Variants in PHACTR1 observed in about 807,000 individuals in gnomAD.
PHACTR1 encodes the protein phosphatase and actin regulator 1.
PHACTR1 carries 16 observed loss-of-function variants against 69.2 expected under a neutral mutation model. The observed-to-expected ratio is 0.23, with a 90% CI of 0.16 to 0.35. PHACTR1 has a LOEUF of 0.35. Among genes scored for constraint, PHACTR1 ranks in the 10% least tolerant of loss-of-function variants. PHACTR1 has a pLI of 1.00. For synonymous variants in PHACTR1, 312 were observed against 284.5 expected, an observed-to-expected ratio of 1.10 and a Z score of -0.97; for missense variants, 510 against 734.7, an observed-to-expected ratio of 0.69 and a Z score of 3.54.
chr6:12,952,266 T>C (rs182808903), intron 4 of PHACTR1, among the ~76,000 whole-genome samples: 21 of 152,310 alleles, frequency 1.4e-4, no homozygotes, highest in Admixed American at 4.6e-4. Context: ...TGCATTAGGG[T>C]TCACTCTTGG....
At chr6:13,170,217 A>G (rs752415405) in intron 6 of PHACTR1, among the ~76,000 whole-genome samples, 2 of 152,254 alleles carry the variant, frequency 1.3e-5, no homozygotes. Context: ...CTCATGTCTC[A>G]TAGATGAAAA....
At chr6:13,099,824 G>GAAAA (rs1285862289) in intron 5 of PHACTR1, among the ~76,000 whole-genome samples, 1 of 152,054 alleles carries the variant, frequency 6.6e-6, no homozygotes, top group Non-Finnish European at 1.5e-5. Flanking sequence ...TTTTTAAATT[G>GAAAA]AGAAACAAAC....
intron 5 of PHACTR1, among the ~76,000 whole-genome samples, chr6:13,102,598 A>G (rs1333408012): frequency 6.6e-6 from 1 of 152,188 alleles, no homozygotes; most frequent in African/African-American, 2.4e-5. Flanking sequence ...TGGCTTGGTA[A>G]CATTACAGAG....
chr6:13,168,308 G>A (rs1475959234), intron 6 of PHACTR1, among the ~76,000 whole-genome samples: 1 of 152,146 alleles, frequency 6.6e-6, no homozygotes, highest in East Asian at 1.9e-4. Flanking sequence ...GCTAGAAAGT[G>A]GTTTAAACAA....
chr6:12,885,672 A>G (rs1177804664), intron 4 of PHACTR1, among the ~76,000 whole-genome samples: 1 of 152,222 alleles, frequency 6.6e-6, no homozygotes, highest in Non-Finnish European at 1.5e-5. Flanking sequence ...ATGTCGCTTT[A>G]TTCCTAGAAA....
intron 4 of PHACTR1, among the ~76,000 whole-genome samples, chr6:12,949,377 C>T (rs966333190): frequency 3.3e-5 from 5 of 151,900 alleles, no homozygotes; most frequent in African/African-American, 1.2e-4. Flanking sequence ...CAATGAAACA[C>T]CTAGGAAAGC....
At chr6:13,003,994 T>TGTATA (rs1798476699) in intron 4 of PHACTR1, among the ~76,000 whole-genome samples, 1 of 140,428 alleles carries the variant, frequency 7.1e-6, no homozygotes, top group Non-Finnish European at 1.5e-5. Context: ...TATATATATA[T>TGTATA]CACATTTTCT....
Position 13,283,271 on chromosome 6 carries a change from G to A in PHACTR1, c.1510-151G>A, listed in dbSNP as rs931749801. 19 of 744,920 alleles carry A rather than the reference G, an allele frequency of 2.6e-5. No homozygotes were observed. Among genetic ancestry groups the A allele is most frequent in the African/African-American group, 2.3e-4 (13 of 55,696 alleles). 46.1% of individuals were successfully genotyped at this position (744,920 alleles called of 1,614,324 possible). On this transcript the variant is annotated intron_variant, in intron 12 of 14. Transcript: ENST00000332995. This position sits in a 1 kb window ranked among gnomAD's most constrained non-coding sequence, Gnocchi z 4.7. ...AGGAGACTTGGGTCCCCCCACCCTGGCCCTCCCCCTGCCCCTGCCCCTCAC... is the reference window on the plus strand; with the variant it reads ...AGGAGACTTGGGTCCCCCCACCCTGACCCTCCCCCTGCCCCTGCCCCTCAC...
chr6:13,024,752 AAAG>A (rs1801449092), intron 4 of PHACTR1, among the ~76,000 whole-genome samples: 1 of 152,206 alleles, frequency 6.6e-6, no homozygotes, highest in South Asian at 2.1e-4. Context: ...ACTCAATACA[AAAG>A]AAGAGGCTTT....
intron 7 of PHACTR1, among the ~76,000 whole-genome samples, chr6:13,191,721 T>C (rs9381819): frequency 0.34 from 52,456 of 152,052 alleles, 9,734 homozygotes; most frequent in East Asian, 0.61. Context: ...TGAGAATTGG[T>C]CAGCCCCAGG....
chr6:13,268,029 G>C (rs1184684242), intron 10 of PHACTR1, among the ~76,000 whole-genome samples: 1 of 152,074 alleles, frequency 6.6e-6, no homozygotes, highest in Non-Finnish European at 1.5e-5. Flanking sequence ...CACTCTGGGA[G>C]GCCGAGGTGG....
At chr6:12,798,752 C>T (rs1030616170) in intron 4 of PHACTR1, among the ~76,000 whole-genome samples, 7 of 152,160 alleles carry the variant, frequency 4.6e-5, no homozygotes, top group African/African-American at 1.7e-4. Context: ...CAGAGTATAG[C>T]TTTCAATTGG....
At position 12,719,509 on chromosome 6, in the gene PHACTR1, AT is replaced by A. The variant is rs894588303; in HGVS notation, c.103+672del. ...TATGGGATCTCGTGACTAGGAGGAG[AT>A]TTTTTTTTTCACATATTTTCTGTTT... On this transcript the variant is annotated intron_variant, in intron 3 of 14. Transcript: ENST00000332995. Among the ~76,000 whole-genome samples the A allele has an allele frequency of 3.7e-3, 558 of 149,818 alleles. 2 individuals are homozygous for A. Among genetic ancestry groups the A allele is most frequent in the African/African-American group, 0.012 (499 of 40,792 alleles).
intron 5 of PHACTR1, among the ~76,000 whole-genome samples, chr6:13,098,753 G>C (rs1036312781): frequency 1.3e-5 from 2 of 152,290 alleles, no homozygotes; most frequent in African/African-American, 4.8e-5. Flanking sequence ...AAATCCTGCT[G>C]ATCATAGCTC....
intron 4 of PHACTR1, among the ~76,000 whole-genome samples, chr6:13,041,335 T>TACACAC (rs1341525931): frequency 7.2e-4 from 28 of 38,714 alleles, no homozygotes; most frequent in Non-Finnish European, 1.4e-3. Flanking sequence ...GTAATTAAAA[T>TACACAC]ACATACACAC....
At chr6:12,823,415 A>T (rs968366556) in intron 4 of PHACTR1, among the ~76,000 whole-genome samples, 2 of 152,230 alleles carry the variant, frequency 1.3e-5, no homozygotes, top group Non-Finnish European at 2.9e-5. Flanking sequence ...ATAAAATATA[A>T]GAAATGTTCC....
At chr6:13,146,825 A>T (rs1823425450) in intron 5 of PHACTR1, among the ~76,000 whole-genome samples, 1 of 152,240 alleles carries the variant, frequency 6.6e-6, no homozygotes, top group South Asian at 2.1e-4. Flanking sequence ...CTCTGAATCA[A>T]TGAATTTTCT....
rs192967647 is a variant in PHACTR1 at position 13,199,476 on chromosome 6, A to G, written c.665-6339A>G. 4.4e-4 allele frequency among the ~76,000 whole-genome samples: 66 copies of G among 151,196 alleles called. No individual in the cohort carries two copies. The East Asian group carries it at 0.011, about 25-fold the overall frequency. The stretch of plus-strand genomic sequence containing the variant: ...CCTGATCTACCCAATTCCCTTTGTC[A>G]TCCTCACTATAAAAATGTAATCGCC... On this transcript the variant is annotated intron_variant, in intron 7 of 14. Transcript: ENST00000332995.
chr6:13,061,921 G>A (rs912362413), intron 5 of PHACTR1, among the ~76,000 whole-genome samples: 2 of 152,026 alleles, frequency 1.3e-5, no homozygotes, highest in African/African-American at 2.4e-5. Flanking sequence ...TGAATGTTTC[G>A]CTCCAGCTAT....
Sources: gnomAD v4.1 joint callset for allele counts (sites outside exome capture counted in the v4.1 genomes callset) on GRCh38, gnomAD v4.1.1 for gene constraint, Gnocchi (gnomAD v3.1) non-coding constraint, MANE v1.5 for transcripts, NCBI Gene and HGNC (gene_info 2026-07-23, HGNC 2026-07-21) for gene names.